Variants in GPR158 observed in about 807,000 individuals in gnomAD.
GPR158 encodes the protein metabotropic glycine receptor.
In GPR158, 30 loss-of-function variants were observed where a neutral mutation model predicts 78.2. The observed-to-expected ratio is 0.38, with a 90% CI of 0.29 to 0.52. The LOEUF is 0.52. GPR158 is among the 20% of genes least tolerant of loss of function. The pLI is 0.83. For synonymous variants in GPR158, 581 were observed against 591.1 expected (o/e 0.98, Z 0.25); for missense variants, 1,463 against 1,523.5 (o/e 0.96, Z 0.66).
intron 2 of GPR158, among the ~76,000 whole-genome samples, chr10:25,374,399 T>C (rs1456133039): frequency 2.0e-5 from 3 of 151,714 alleles, no homozygotes; most frequent in Admixed American, 6.6e-5. Flanking sequence ...TTGGTAACAG[T>C]CCACAGAGCT....
At chr10:25,179,670 A>T (rs1852589926) in intron 1 of GPR158, among the ~76,000 whole-genome samples, 1 of 152,130 alleles carries the variant, frequency 6.6e-6, no homozygotes. Context: ...AGCATAATAC[A>T]CATATGGGAA....
chr10:25,461,153 T>C (rs985381289), intron 4 of GPR158, among the ~76,000 whole-genome samples: 13 of 152,156 alleles, frequency 8.5e-5, no homozygotes, highest in African/African-American at 3.1e-4. Flanking sequence ...CCTTTAGTGT[T>C]CAAGTGAAAG....
intron 1 of GPR158, among the ~76,000 whole-genome samples, chr10:25,191,660 A>C (rs1019353918): frequency 2.0e-5 from 3 of 152,234 alleles, no homozygotes; most frequent in African/African-American, 7.2e-5. Flanking sequence ...AGCTGATATA[A>C]ATAACTGCAG....
intron 2 of GPR158, among the ~76,000 whole-genome samples, chr10:25,264,872 T>C (rs574904036): frequency 2.6e-5 from 4 of 152,312 alleles, no homozygotes; most frequent in Admixed American, 1.3e-4. Context: ...GAAAGTAGAA[T>C]TGATACTCTG....
chr10:25,227,464 T>C (rs1352678527), intron 2 of GPR158, among the ~76,000 whole-genome samples: 5 of 152,232 alleles, frequency 3.3e-5, no homozygotes, highest in African/African-American at 1.2e-4. Context: ...TCCATCACTG[T>C]CTCATGCAAC....
At position 25,243,463 on chromosome 10, in the gene GPR158, C is replaced by A. The variant is rs181209604; in HGVS notation, c.1008+22306C>A. ...TGGAAGGCCTTTCCCACAATGCTATCCTTCATATGAAGTTCTTTAGCAAAA... is the reference window on the plus strand; with the variant it reads ...TGGAAGGCCTTTCCCACAATGCTATACTTCATATGAAGTTCTTTAGCAAAA... On this transcript the variant is annotated intron_variant, in intron 2 of 10. Coordinates refer to ENST00000376351, the MANE Select transcript of GPR158 (RefSeq NM_020752.3). 8.0e-4 allele frequency among the ~76,000 whole-genome samples: 122 copies of A among 152,268 alleles called. 1 individual carries two copies. The highest frequency in any genetic ancestry group is 1.2e-3 in the Non-Finnish European group (79 of 68,016).
intron 5 of GPR158, among the ~76,000 whole-genome samples, chr10:25,528,033 A>C (rs1171948091): frequency 6.6e-6 from 1 of 152,112 alleles, no homozygotes; most frequent in Non-Finnish European, 1.5e-5. Context: ...AAATAAATTT[A>C]TAATGAAAAG....
intron 2 of GPR158, among the ~76,000 whole-genome samples, chr10:25,347,721 A>G (rs1168753087): frequency 6.6e-6 from 1 of 152,044 alleles, no homozygotes; most frequent in Non-Finnish European, 1.5e-5. Flanking sequence ...TTTTCCCAAT[A>G]TTTTAATGTA....
chr10:25,328,943 AAAAAAG>A (rs1855077905), intron 2 of GPR158, among the ~76,000 whole-genome samples: 1 of 150,914 alleles, frequency 6.6e-6, no homozygotes. Context: ...AAAAAAAAAA[AAAAAAG>A]AATTACTAAA....
intron 5 of GPR158, among the ~76,000 whole-genome samples, chr10:25,497,935 G>A (rs1012146722): frequency 7.9e-5 from 12 of 152,176 alleles, no homozygotes; most frequent in African/African-American, 1.7e-4. Context: ...ATAATTTAAC[G>A]TTGCTGGGTT....
intron 1 of GPR158, among the ~76,000 whole-genome samples, chr10:25,211,035 G>C (rs889760706): frequency 2.0e-5 from 3 of 152,030 alleles, no homozygotes; most frequent in Non-Finnish European, 4.4e-5. Context: ...GGGAGACTGA[G>C]GCAGGAGAAT....
At chr10:25,283,993 G>A (rs1854312794) in intron 2 of GPR158, among the ~76,000 whole-genome samples, 1 of 152,004 alleles carries the variant, frequency 6.6e-6, no homozygotes, top group African/African-American at 2.4e-5. Context: ...TGTGTGGTAT[G>A]TATTCTTCTT....
chr10:25,331,922 C>T (rs1855129698), intron 2 of GPR158, among the ~76,000 whole-genome samples: 1 of 151,888 alleles, frequency 6.6e-6, no homozygotes. Flanking sequence ...TTACTATTTG[C>T]TCTATTGGTG....
intron 2 of GPR158, among the ~76,000 whole-genome samples, chr10:25,237,183 A>G (rs894937162): frequency 1.3e-5 from 2 of 152,194 alleles, no homozygotes; most frequent in Admixed American, 6.5e-5. Flanking sequence ...CTTAAGACCC[A>G]TAAGAAAGAT....
At chr10:25,246,450 C>A (rs1853690633) in intron 2 of GPR158, among the ~76,000 whole-genome samples, 1 of 152,140 alleles carries the variant, frequency 6.6e-6, no homozygotes, top group Non-Finnish European at 1.5e-5. Flanking sequence ...TTTTTCAAAT[C>A]TCCAATCAGA....
At chr10:25,512,789 C>T (rs180998470) in intron 5 of GPR158, among the ~76,000 whole-genome samples, 18 of 152,016 alleles carry the variant, frequency 1.2e-4, no homozygotes, top group Admixed American at 9.8e-4. Flanking sequence ...TTGACATGAT[C>T]ATGTGATTTT....
At chr10:25,437,754 A>C (rs1184027095) in intron 4 of GPR158, among the ~76,000 whole-genome samples, 1 of 152,168 alleles carries the variant, frequency 6.6e-6, no homozygotes, top group Admixed American at 6.5e-5. Context: ...CAGTGGGCTC[A>C]AGAAGGATTG....
chr10:25,259,269 A>C (rs915171462), intron 2 of GPR158, among the ~76,000 whole-genome samples: 2 of 152,218 alleles, frequency 1.3e-5, no homozygotes, highest in Admixed American at 6.5e-5. Context: ...AGTTCCAACA[A>C]GACTTTATTT....
intron 2 of GPR158, among the ~76,000 whole-genome samples, chr10:25,349,325 C>A (rs554530260): frequency 1.3e-5 from 2 of 152,056 alleles, no homozygotes; most frequent in Admixed American, 6.6e-5. Context: ...CCCAGGTAGA[C>A]AATGTAGGCT....
Sources: gnomAD v4.1 joint callset for allele counts (sites outside exome capture counted in the v4.1 genomes callset) on GRCh38, gnomAD v4.1.1 for gene constraint, MANE v1.5 for transcripts, NCBI Gene and HGNC (gene_info 2026-07-23, HGNC 2026-07-21) for gene names.